Variants in LRRIQ1 observed in about 807,000 individuals in gnomAD.
The protein encoded by LRRIQ1 is leucine rich repeats and IQ motif containing 1.
LRRIQ1 carries 210 observed loss-of-function variants against 211.9 expected under a neutral mutation model. The ratio of observed to expected loss-of-function variants is 0.99; its 90% CI spans 0.89 to 1.11. The LOEUF (loss-of-function observed/expected upper bound fraction) is 1.11. LRRIQ1 is among the 50% of genes most tolerant of loss of function. The pLI is 0.00. For missense variants in LRRIQ1, 2,136 were observed against 1,939.5 expected, an observed-to-expected ratio of 1.10 and a Z score of -1.90; for synonymous variants, 699 against 650.1, an observed-to-expected ratio of 1.08 and a Z score of -1.14.
intron 11 of LRRIQ1, among the ~76,000 whole-genome samples, chr12:85,091,973 T>C (rs1885440115): frequency 6.6e-6 from 1 of 152,172 alleles, no homozygotes; most frequent in Non-Finnish European, 1.5e-5. Flanking sequence ...TCACTGCTGT[T>C]TGCATTACTG....
chr12:85,123,677 G>A (rs1432451094), intron 16 of LRRIQ1, among the ~76,000 whole-genome samples: 1 of 151,990 alleles, frequency 6.6e-6, no homozygotes, highest in African/African-American at 2.4e-5. Context: ...CAAATATTTT[G>A]CGTGGCAAAA....
chr12:85,176,398 A>G (rs1331391373), intron 24 of LRRIQ1, among the ~76,000 whole-genome samples: 1 of 151,810 alleles, frequency 6.6e-6, no homozygotes, highest in East Asian at 1.9e-4. Context: ...TACACCATGG[A>G]ATACTATGCA....
chr12:85,111,859 T>C (rs192741425), intron 15 of LRRIQ1, among the ~76,000 whole-genome samples: 20 of 152,006 alleles, frequency 1.3e-4, no homozygotes, highest in African/African-American at 3.9e-4. Context: ...AGCCCCAAAT[T>C]ATTGTACAGA....
At chr12:85,086,615 T>A (rs1302201015) in intron 11 of LRRIQ1, among the ~76,000 whole-genome samples, 3 of 43,290 alleles carry the variant, frequency 6.9e-5, no homozygotes, top group Admixed American at 2.9e-4. Flanking sequence ...ATTTCTTTTC[T>A]TTTTTTTTTT....
At chr12:85,066,939 C>T (rs202043330) in intron 10 of LRRIQ1, 41 bp downstream of exon 10, 732 of 1,150,536 alleles carry the variant, frequency 6.4e-4, no homozygotes, top group Non-Finnish European at 7.6e-4. Context: ...ATATATTTCT[C>T]ATAATTTATT....
chr12:85,250,493 A>G (rs2137297212), intron 1 of LRRIQ1, among the ~76,000 whole-genome samples: 1 of 151,260 alleles, frequency 6.6e-6, no homozygotes, highest in Admixed American at 6.7e-5. Flanking sequence ...TAATCCCAGC[A>G]ATTTGGGAGG....
chr12:85,201,944 T>G (rs1390823323), intron 24 of LRRIQ1, among the ~76,000 whole-genome samples: 1 of 152,172 alleles, frequency 6.6e-6, no homozygotes, highest in Non-Finnish European at 1.5e-5. Flanking sequence ...TAAACTTCCC[T>G]CCTAACACTG....
rs748498054 is a variant in LRRIQ1 at position 85,232,823 on chromosome 12, A to C, written c.5016+67A>C. The stretch of plus-strand genomic sequence containing the variant: ...CTAGTGCTCAAATAAATGGCACTTT[A>C]AGATATGTTTATAATTAAACTATGA... On this transcript the variant is annotated intron_variant, in intron 26 of 26. Transcript: ENST00000393217. 4.7e-6 allele frequency: 5 copies of C among 1,053,508 alleles called. No homozygotes were observed. In the South Asian group the frequency reaches 6.5e-5, roughly 14 times the overall value. The allele number at this position is 1,053,508 out of a possible 1,614,324, so 65.3% of individuals were successfully genotyped here. A position where few individuals can be genotyped will look rare whatever the true frequency, so the allele number is the denominator to read the frequency against.
intron 11 of LRRIQ1, among the ~76,000 whole-genome samples, chr12:85,086,649 G>A (rs562348907): frequency 2.7e-5 from 4 of 150,762 alleles, no homozygotes; most frequent in South Asian, 4.2e-4. Flanking sequence ...ACCCTCCTCC[G>A]AAGGAGGTTG....
intron 18 of LRRIQ1, among the ~76,000 whole-genome samples, chr12:85,136,219 A>G (rs1889120558): frequency 6.6e-6 from 1 of 151,960 alleles, no homozygotes; most frequent in Non-Finnish European, 1.5e-5. Flanking sequence ...GTGGAAATAA[A>G]GACCACACAA....
intron 24 of LRRIQ1, among the ~76,000 whole-genome samples, chr12:85,164,414 C>T (rs539766078): frequency 5.9e-5 from 9 of 152,282 alleles, no homozygotes; most frequent in African/African-American, 1.9e-4. Flanking sequence ...AAGAGGCGAA[C>T]AGTACTTAGG....
chr12:85,226,009 A>C (rs1271699917), intron 24 of LRRIQ1, among the ~76,000 whole-genome samples: 1 of 152,192 alleles, frequency 6.6e-6, no homozygotes, highest in Admixed American at 6.5e-5. Context: ...CACTGAGCTC[A>C]TGCCAATCTA....
In LRRIQ1 at chr12:85,137,906, T is replaced by C. The variant is rs61740224; in HGVS notation, c.4266T>C (p.Ile1422=). The change falls in exon 19 of 27, where the codon ATT becomes ATC. Residue 1422 remains isoleucine, a synonymous_variant. Coordinates refer to ENST00000393217, the MANE Select transcript of LRRIQ1 (RefSeq NM_001079910.2). The part of the protein sequence containing the change: ...RKKLTTALEA[I]KNEESDEEYR... ...AACTGACAACAGCTCTAGAGGCTAT[T>C]AAGAATGAAGAATCCGATGAAGAAT... 1.4e-4 allele frequency: 218 copies of C among 1,579,860 alleles called. No individual in the cohort carries two copies. Among genetic ancestry groups the C allele is most frequent in the Middle Eastern group, 6.7e-4 (4 of 5,970 alleles).
intron 10 of LRRIQ1, among the ~76,000 whole-genome samples, chr12:85,071,971 T>C (rs1004547193): frequency 1.3e-5 from 2 of 152,080 alleles, no homozygotes; most frequent in African/African-American, 4.8e-5. Flanking sequence ...CATTTAGTAC[T>C]TTTACCACAA....
chr12:85,089,176 T>G (rs1373092662), intron 11 of LRRIQ1, among the ~76,000 whole-genome samples: 1 of 152,246 alleles, frequency 6.6e-6, no homozygotes, highest in Non-Finnish European at 1.5e-5. Flanking sequence ...GTCAAAGGCC[T>G]TTTCTGCATC....
chr12:85,269,914 G>A, the LRRIQ1 span, among the ~76,000 whole-genome samples: 49 of 152,052 alleles, frequency 3.2e-4, no homozygotes, highest in African/African-American at 1.1e-3. Flanking sequence ...GTCAGTATTC[G>A]TGGGTTCTTG....
At chr12:85,173,662 AAGAG>A (rs148337131) in intron 24 of LRRIQ1, among the ~76,000 whole-genome samples, 46 of 148,414 alleles carry the variant, frequency 3.1e-4, no homozygotes, top group South Asian at 1.1e-3. Flanking sequence ...CACACACAGA[AAGAG>A]AGAGAGAGAG....
chr12:85,065,334 T>C lies in LRRIQ1; in HGVS notation c.2464T>C (p.Phe822Leu). 6.2e-7 allele frequency: 1 copy of C among 1,611,154 alleles called. No individual in the cohort carries two copies. The highest frequency in any genetic ancestry group is 1.7e-5 in the Admixed American group (1 of 59,782). The change falls in exon 9 of 27, where the codon TTT becomes CTT. Residue 822 changes from phenylalanine (F) to leucine (L), a missense_variant. Transcript: ENST00000393217. ...STLAECTNLQ[F>L]LSLRRCGLTS... ...ACTGGCAGAGTGTACAAATCTTCAG[T>C]TTCTATCCCTTCGACGCTGTGGATT...
chr12:85,106,912 A>G (rs935393592), intron 15 of LRRIQ1, among the ~76,000 whole-genome samples: 3 of 152,128 alleles, frequency 2.0e-5, no homozygotes, highest in South Asian at 2.1e-4. Context: ...TAGAAAATAT[A>G]TTTGTTGAGA....
Sources: allele counts gnomAD v4.1 joint callset (sites outside exome capture counted in the v4.1 genomes callset), GRCh38; gene constraint gnomAD v4.1.1; transcripts MANE v1.5; gene names NCBI Gene and HGNC (gene_info 2026-07-23, HGNC 2026-07-21).